The following HTT variants were observed in gnomAD, a reference collection of about 807,000 sequenced individuals.
The protein encoded by HTT is huntington disease protein.
In HTT, 104 loss-of-function variants were observed where a neutral mutation model predicts 362.3. The ratio of observed to expected loss-of-function variants is 0.29; its 90% CI spans 0.24 to 0.34. The LOEUF is 0.34. Among genes scored for constraint, HTT ranks in the 10% least tolerant of loss-of-function variants. The probability of loss-of-function intolerance (pLI) is 1.00; values close to 1 mark genes in which losing one functional copy is unlikely to be tolerated. For synonymous variants in HTT, 1,577 were observed against 1,548.7 expected (o/e 1.02, Z -0.43); for missense variants, 3,301 against 3,928.6 (o/e 0.84, Z 4.27).
At position 3,222,496 on chromosome 4, in the gene HTT, A is replaced by G; in HGVS notation, c.7470+9A>G. 2.5e-6 allele frequency: 4 copies of G among 1,610,064 alleles called. No individual in the cohort carries two copies. Among genetic ancestry groups the G allele is most frequent in the Non-Finnish European group, 3.4e-6 (4 of 1,176,628 alleles). The stretch of plus-strand genomic sequence containing the variant: ...AGGAGAGCCCACCAGAAGTAAGGCC[A>G]CACCCTGTGCTGGTTGGCACATGGG... On this transcript the variant is annotated intron_variant, in intron 54 of 66. Coordinates refer to ENST00000355072, the MANE Select transcript of HTT (RefSeq NM_001388492.1).
intron 3 of HTT, among the ~76,000 whole-genome samples, chr4:3,101,104 G>C (rs1219311125): frequency 6.6e-6 from 1 of 152,202 alleles, no homozygotes; most frequent in Non-Finnish European, 1.5e-5. Context: ...GGTTGCCTTG[G>C]TTCATGGCAA....
At chr4:3,098,594 C>G (rs931836945) in intron 2 of HTT, among the ~76,000 whole-genome samples, 3 of 152,190 alleles carry the variant, frequency 2.0e-5, no homozygotes, top group Non-Finnish European at 2.9e-5. Flanking sequence ...ACAGTTGGAG[C>G]ATGATGGCCT....
chr4:3,144,704 T>C (rs1028699234), intron 23 of HTT, among the ~76,000 whole-genome samples: 5 of 152,246 alleles, frequency 3.3e-5, no homozygotes, highest in African/African-American at 1.2e-4. Flanking sequence ...TGGTCTTCCC[T>C]TGATTTGTTC....
chr4:3,216,439 C>T (rs532893689), intron 51 of HTT, among the ~76,000 whole-genome samples: 44 of 152,322 alleles, frequency 2.9e-4, no homozygotes, highest in African/African-American at 9.6e-4. Flanking sequence ...TAGTGCCAAC[C>T]GTGTGGATTG....
rs1560594847 is a variant in HTT, at chr4:3,209,880, A to G, written c.6345A>G (p.Ala2115=). ...KSQCWTRSDS[A]LLEGAELVNR... ...AGTGTTGGACCAGGTCAGATTCTGC[A>G]CTGCTGGAAGGTGCAGAGCTGGTGA... is the stretch of plus-strand genomic sequence containing the variant. The change falls in exon 47 of 67, where the codon GCA becomes GCG. Residue 2115 remains alanine (A), a synonymous_variant. Coordinates refer to ENST00000355072, the MANE Select transcript of HTT (RefSeq NM_001388492.1). 6.2e-7 allele frequency: 1 copy of G among 1,614,184 alleles called. No individual in the cohort carries two copies.
chr4:3,224,240 T>C (rs550545621), intron 56 of HTT, 109 bp downstream of exon 56: 5 of 1,178,466 alleles, frequency 4.2e-6, no homozygotes, highest in African/African-American at 3.0e-5. Context: ...GTGGTCTGAG[T>C]TGGAGGCTGT....
Position 3,127,621 on chromosome 4 carries a change from G to GC in HTT, c.1743+19dup. The GC allele has an allele frequency of 1.3e-6, 2 of 1,551,106 alleles. No individual in the cohort carries two copies. Among genetic ancestry groups the GC allele is most frequent in the Non-Finnish European group, 1.8e-6 (2 of 1,133,546 alleles). ...TCTGAAATTGTAAGTGGGCAGAGGG[G>GC]CCTGACATCTTTTTTTTTATTTTTT... On this transcript the variant is annotated intron_variant, in intron 12 of 66. Coordinates refer to ENST00000355072, the MANE Select transcript of HTT (RefSeq NM_001388492.1).
At position 3,200,019 on chromosome 4, in the gene HTT, A is replaced by T. The variant is rs932651513; in HGVS notation, c.5576+80A>T. 1.2e-5 allele frequency: 14 copies of T among 1,165,018 alleles called. No individual in the cohort carries two copies. In the East Asian group the frequency reaches 3.3e-4, roughly 28 times the overall value. The allele number at this position is 1,165,018 out of a possible 1,614,324, so 72.2% of individuals were successfully genotyped here. A position where few individuals can be genotyped will look rare whatever the true frequency, so the allele number is the denominator to read the frequency against. ...ACTCCCAGTAACCTGAGCTTTGGCC[A>T]CCGTTAAAGCATTTTCATTTTCCAT... On this transcript the variant is annotated intron_variant, in intron 41 of 66. Transcript: ENST00000355072.
intron 29 of HTT, among the ~76,000 whole-genome samples, chr4:3,171,420 G>A (rs1383435874): frequency 1.3e-5 from 2 of 151,782 alleles, no homozygotes; most frequent in Non-Finnish European, 2.9e-5. Context: ...TAGGTATCTA[G>A]GCATTCAGAA....
At chr4:3,118,374 C>T (rs533498554) in intron 8 of HTT, among the ~76,000 whole-genome samples, 5 of 152,100 alleles carry the variant, frequency 3.3e-5, no homozygotes, top group Non-Finnish European at 7.4e-5. Context: ...ATTACTAAAC[C>T]GTTTAGCAAG....
rs1255194674 is a variant in HTT, at chr4:3,187,680, A to G, written c.5019A>G (p.Ile1673Met). Residue 1673 changes from isoleucine to methionine, a missense_variant, in exon 39 of 67, where the codon ATA becomes ATG. This residue lies in a region of HTT where 2,316 missense variants were observed against 2,658.5 expected (regional missense o/e 0.87). Coordinates refer to ENST00000355072, the MANE Select transcript of HTT (RefSeq NM_001388492.1). ...CCGTGAGCACTGTTCAACTGTGGAT[A>G]TCGGGAATTCTGGCCATTTTGAGGG... is the stretch of plus-strand genomic sequence containing the variant. ...MASVSTVQLW[I>M]SGILAILRVL... The G allele has an allele frequency of 1.9e-6, 3 of 1,614,134 alleles. No homozygotes were observed. Among genetic ancestry groups the G allele is most frequent in the South Asian group, 1.1e-5 (1 of 91,088 alleles).
At chr4:3,173,633 G>A (rs1718095084) in intron 31 of HTT, among the ~76,000 whole-genome samples, 1 of 151,834 alleles carries the variant, frequency 6.6e-6, no homozygotes, top group Admixed American at 6.6e-5. Flanking sequence ...CTTGTGTTTT[G>A]TCAGCTTTAT....
intron 57 of HTT, among the ~76,000 whole-genome samples, chr4:3,226,794 T>C (rs1220319359): frequency 6.6e-6 from 1 of 152,266 alleles, no homozygotes; most frequent in Admixed American, 6.5e-5. Flanking sequence ...CACAAGCCTG[T>C]TTCTGTTCCC....
chr4:3,138,884 A>AT (rs1187942149), intron 21 of HTT, among the ~76,000 whole-genome samples: 7 of 152,230 alleles, frequency 4.6e-5, no homozygotes, highest in Non-Finnish European at 7.3e-5. Context: ...AAGTGCTGGG[A>AT]TTACAGGCGT....
intron 1 of HTT, among the ~76,000 whole-genome samples, 186 bp downstream of exon 1, chr4:3,075,274 A>G (rs1712459041): frequency 2.0e-5 from 3 of 152,114 alleles, no homozygotes; most frequent in Admixed American, 2.0e-4. Context: ...CCCCCACTTC[A>G]GCCCCGCTCC....
intron 51 of HTT, among the ~76,000 whole-genome samples, chr4:3,217,024 C>CAAA (rs776607099): frequency 1.6e-5 from 2 of 124,122 alleles, no homozygotes; most frequent in Non-Finnish European, 1.7e-5. Context: ...GACTCCGTCT[C>CAAA]AAAAAAAAAA....
Position 3,121,449 on chromosome 4 carries a change from G to C in HTT, c.1273+17G>C. 6.4e-7 allele frequency: 1 copy of C among 1,567,054 alleles called. No homozygotes were observed. Among genetic ancestry groups the C allele is most frequent in the South Asian group, 1.1e-5 (1 of 89,860 alleles). On this transcript the variant is annotated intron_variant, in intron 9 of 66. Transcript: ENST00000355072. ...AACTTATAGGCAAGTTATTAGCAAG[G>C]TCTACTCTTACAATTAACTTTGCAG...
At chr4:3,140,192 C>A (rs537234119) in intron 21 of HTT, among the ~76,000 whole-genome samples, 1 of 149,014 alleles carries the variant, frequency 6.7e-6, no homozygotes, top group South Asian at 2.1e-4. Context: ...ACCTGGACGG[C>A]AGAGGTTGCA....
At chr4:3,178,112 C>T (rs1241359600) in intron 34 of HTT, among the ~76,000 whole-genome samples, 186 bp from the exon 35 acceptor site, 1 of 152,202 alleles carries the variant, frequency 6.6e-6, no homozygotes, top group Admixed American at 6.5e-5. Flanking sequence ...TACACATGTC[C>T]CTGCTCTGCG....
Sources: allele counts gnomAD v4.1 joint callset (sites outside exome capture counted in the v4.1 genomes callset), GRCh38; gene constraint gnomAD v4.1.1; regional missense constraint gnomAD v4.1.1; transcripts MANE v1.5; gene names NCBI Gene and HGNC (gene_info 2026-07-23, HGNC 2026-07-21).